SLC7A8: variants seen among roughly 807,000 people sequenced by gnomAD.
SLC7A8 encodes large neutral amino acids transporter small subunit 2.
Under a neutral mutation model 51.2 loss-of-function variants are expected in SLC7A8, and 30 were observed. The ratio of observed to expected loss-of-function variants is 0.59; its 90% CI spans 0.44 to 0.80. SLC7A8 has a LOEUF of 0.80. Ranked by LOEUF, SLC7A8 falls within the 30% of genes least tolerant of loss-of-function variation. The pLI, the probability that SLC7A8 is intolerant of heterozygous loss-of-function variation, is 0.00. For missense variants in SLC7A8, 612 were observed against 674.4 expected (o/e 0.91, Z 1.03); for synonymous variants, 257 against 275.8 (o/e 0.93, Z 0.67).
chr14:23,169,493 G>A (rs1337405595), intron 1 of SLC7A8, among the ~76,000 whole-genome samples: 3 of 152,214 alleles, frequency 2.0e-5, no homozygotes, highest in African/African-American at 7.2e-5. Context: ...TGCAACCTCT[G>A]CCTCCCAGGT....
At chr14:23,157,008 T>A (rs1183326925) in intron 3 of SLC7A8, among the ~76,000 whole-genome samples, 2 of 152,216 alleles carry the variant, frequency 1.3e-5, no homozygotes, top group Non-Finnish European at 2.9e-5. Context: ...TCTGCCATTG[T>A]AGACATAAGA....
intron 7 of SLC7A8, among the ~76,000 whole-genome samples, chr14:23,134,437 C>CAAAAAAA (rs57162273): frequency 9.5e-4 from 61 of 64,174 alleles, no homozygotes; most frequent in African/African-American, 2.6e-3. Context: ...ACCCTGTCTC[C>CAAAAAAA]AAAAAAAAAA....
Position 23,166,443 on chromosome 14 carries a change from GC to G in SLC7A8, c.248del (p.Gly83AlafsTer39). The stretch of plus-strand genomic sequence containing the variant: ...AGAGGGCTCCCACAACTGTGATGAA[GC>G]CCGTCACAATCCAGACGATGAGAGC... The part of the protein sequence containing the change: ...GLALIVWIVT[G>X]FITVVGALCY... On this transcript the variant is annotated frameshift_variant, in exon 2 of 11. Transcript: ENST00000316902. LOFTEE classifies it high-confidence loss of function. The G allele has an allele frequency of 1.2e-5, 19 of 1,614,160 alleles. No homozygotes were observed. Among genetic ancestry groups the G allele is most frequent in the Non-Finnish European group, 1.6e-5 (19 of 1,180,034 alleles).
rs552740269 is a variant in SLC7A8, at chr14:23,176,889, C to T, written c.151+5875G>A. ...TCTGGGAGGGAGAGGTTGCAGTGAG[C>T]CGAGATTGCCCCACTCCACTCCAGC... On this transcript the variant is annotated intron_variant, in intron 1 of 10. Coordinates refer to ENST00000316902, the MANE Select transcript of SLC7A8 (RefSeq NM_012244.4). Among the ~76,000 whole-genome samples the T allele has an allele frequency of 1.2e-4, 17 of 147,666 alleles. No homozygotes were observed. The East Asian group carries it at 3.2e-3, about 27-fold the overall frequency.
rs1265978929 is a variant in SLC7A8, at chr14:23,127,079, A to G, written c.*98T>C. 34 of 1,429,342 alleles carry G rather than the reference A, an allele frequency of 2.4e-5. No homozygotes were observed. Among genetic ancestry groups the G allele is most frequent in the Non-Finnish European group, 2.6e-5 (27 of 1,031,334 alleles). 88.5% of individuals were successfully genotyped at this position (1,429,342 alleles called of 1,614,324 possible). On this transcript the variant is annotated 3_prime_UTR_variant, in exon 11 of 11. Coordinates refer to ENST00000316902, the MANE Select transcript of SLC7A8 (RefSeq NM_012244.4). ...CTACCACTGCCTGACAAAAGCAGAG[A>G]GAGGGGTGTGTGTGTACTCGCATGT...
In SLC7A8 at chr14:23,176,117, C is replaced by T. The variant is rs2048997866; in HGVS notation, c.151+6647G>A. 2.0e-5 allele frequency among the ~76,000 whole-genome samples: 3 copies of T among 152,282 alleles called. No individual in the cohort carries two copies. The East Asian group carries it at 5.8e-4, about 29-fold the overall frequency. On this transcript the variant is annotated intron_variant, in intron 1 of 10. Coordinates refer to ENST00000316902, the MANE Select transcript of SLC7A8 (RefSeq NM_012244.4). The stretch of plus-strand genomic sequence containing the variant: ...CAAGAAGCAGTTTTCACACTCCCTC[C>T]CTCTGGTCAACATCCAGTAGACATT...
chr14:23,145,450 C>A (rs144511756), intron 3 of SLC7A8, among the ~76,000 whole-genome samples: 4,924 of 150,288 alleles, frequency 0.033, 108 homozygotes, highest in Middle Eastern at 0.11. Flanking sequence ...TCACTTGTAC[C>A]CGGGAGGCGG....
At chr14:23,180,485 T>A (rs1000224405) in intron 1 of SLC7A8, among the ~76,000 whole-genome samples, 3 of 152,168 alleles carry the variant, frequency 2.0e-5, no homozygotes, top group Non-Finnish European at 4.4e-5. Context: ...GGTAGAATAG[T>A]GCCTATTAAC....
chr14:23,160,121 G>A (rs1000763811), intron 3 of SLC7A8, among the ~76,000 whole-genome samples: 3 of 152,176 alleles, frequency 2.0e-5, no homozygotes, highest in Non-Finnish European at 2.9e-5. Flanking sequence ...GGGAGCAAAC[G>A]GATCCCAAAG....
At chr14:23,145,312 A>G (rs185696889) in intron 3 of SLC7A8, among the ~76,000 whole-genome samples, 2,206 of 151,152 alleles carry the variant, frequency 0.015, 58 homozygotes, top group African/African-American at 0.05. Flanking sequence ...GCAGATCATG[A>G]GGTCAGGAGT....
chr14:23,151,282 T>C (rs986481810), intron 3 of SLC7A8, among the ~76,000 whole-genome samples: 1 of 152,096 alleles, frequency 6.6e-6, no homozygotes, highest in African/African-American at 2.4e-5. Flanking sequence ...GATAGATACA[T>C]CTACACAGAA....
intron 3 of SLC7A8, among the ~76,000 whole-genome samples, chr14:23,148,998 C>T (rs2140321521): frequency 6.6e-6 from 1 of 152,316 alleles, no homozygotes; most frequent in African/African-American, 2.4e-5. Context: ...CCAGGCAACA[C>T]ACACCAGGAG....
rs767062087 is a variant in SLC7A8 at position 23,131,482 on chromosome 14, T to C, written c.1092A>G (p.Pro364=). Reference sequence around the variant, plus strand: ...TTACTGTGAAGAGCAGGGCTGGGATTGGGGTGCAGCGCTTCACGTGGATCA... The same window carrying C: ...TTACTGTGAAGAGCAGGGCTGGGATCGGGGTGCAGCGCTTCACGTGGATCA... The part of the protein sequence containing the change: ...LAMIHVKRCT[P]IPALLFTCIS... Residue 364 remains proline (P), a synonymous_variant, in exon 8 of 11, where the codon CCA becomes CCG. Coordinates refer to ENST00000316902, the MANE Select transcript of SLC7A8 (RefSeq NM_012244.4). 4.2e-5 allele frequency: 68 copies of C among 1,606,432 alleles called. No homozygotes were observed. Among genetic ancestry groups the C allele is most frequent in the Non-Finnish European group, 5.3e-5 (62 of 1,176,524 alleles).
At chr14:23,160,126 C>A (rs535539679) in intron 3 of SLC7A8, among the ~76,000 whole-genome samples, 1 of 152,228 alleles carries the variant, frequency 6.6e-6, no homozygotes, top group African/African-American at 2.4e-5. Context: ...CAAACGGATC[C>A]CAAAGGAAAA....
chr14:23,149,476 AT>A (rs2048827742), intron 3 of SLC7A8, among the ~76,000 whole-genome samples: 1 of 152,042 alleles, frequency 6.6e-6, no homozygotes, highest in Non-Finnish European at 1.5e-5. Flanking sequence ...TGAATCCTTT[AT>A]TTTCTGCCCC....
chr14:23,159,229 C>T (rs1027780291), intron 3 of SLC7A8, among the ~76,000 whole-genome samples: 20 of 152,052 alleles, frequency 1.3e-4, no homozygotes, highest in African/African-American at 4.8e-4. Context: ...TAGTTTCTTT[C>T]TCTTTTCCAA....
intron 4 of SLC7A8, among the ~76,000 whole-genome samples, chr14:23,142,584 T>C (rs1201003506): frequency 6.6e-6 from 1 of 152,180 alleles, no homozygotes; most frequent in Non-Finnish European, 1.5e-5. Context: ...CACTACAGCC[T>C]CAAACTCCTG....
chr14:23,161,281 C>T (rs2048920518), intron 3 of SLC7A8, among the ~76,000 whole-genome samples: 1 of 152,048 alleles, frequency 6.6e-6, no homozygotes, highest in Non-Finnish European at 1.5e-5. Flanking sequence ...CCTCCCTCCC[C>T]CAGCAAACCC....
intron 7 of SLC7A8, among the ~76,000 whole-genome samples, chr14:23,137,398 G>T (rs1322033807): frequency 6.6e-6 from 1 of 152,176 alleles, no homozygotes; most frequent in African/African-American, 2.4e-5. Flanking sequence ...GTTGAGCAGG[G>T]AGGAGCTCTG....
Sources: allele counts gnomAD v4.1 joint callset (sites outside exome capture counted in the v4.1 genomes callset), GRCh38; gene constraint gnomAD v4.1.1; transcripts MANE v1.5; gene names NCBI Gene and HGNC (gene_info 2026-07-23, HGNC 2026-07-21).